The following SHANK2 variants were observed in gnomAD, a reference collection of about 807,000 sequenced individuals.
The protein encoded by SHANK2 is SH3 and multiple ankyrin repeat domains 2.
SHANK2 carries 43 observed loss-of-function variants against 133.7 expected under a neutral mutation model. That is an observed-to-expected ratio of 0.32 (90% CI 0.25 to 0.41). The LOEUF (loss-of-function observed/expected upper bound fraction) is 0.41. Ranked by LOEUF, SHANK2 falls within the 10% of genes least tolerant of loss-of-function variation. The pLI, the probability that SHANK2 is intolerant of heterozygous loss-of-function variation, is 1.00. For missense variants in SHANK2, 1,994 were observed against 2,235.8 expected (o/e 0.89, Z 2.18); for synonymous variants, 1,017 against 952.8 (o/e 1.07, Z -1.24).
intron 10 of SHANK2, among the ~76,000 whole-genome samples, chr11:70,931,824 A>G (rs1950508090): frequency 6.6e-6 from 1 of 152,262 alleles, no homozygotes; most frequent in African/African-American, 2.4e-5. Flanking sequence ...TTCTGAGCAG[A>G]TACCCTCTCA....
At chr11:70,653,269 G>A (rs1036701992) in intron 17 of SHANK2, among the ~76,000 whole-genome samples, 2 of 151,980 alleles carry the variant, frequency 1.3e-5, no homozygotes, top group South Asian at 2.1e-4. Context: ...CACTGCACCC[G>A]GCCTGGACTT....
intron 2 of SHANK2, among the ~76,000 whole-genome samples, chr11:71,148,029 AC>A (rs1952689747): frequency 1.3e-5 from 2 of 150,956 alleles, no homozygotes; most frequent in African/African-American, 4.9e-5. Context: ...AATAAAAATT[AC>A]CCCACAAAGA....
chr11:71,235,997 G>A (rs564172384), intron 1 of SHANK2, among the ~76,000 whole-genome samples: 1 of 152,322 alleles, frequency 6.6e-6, no homozygotes, highest in African/African-American at 2.4e-5. Context: ...AGCAGGTGCT[G>A]GCGGCAGAGC....
intron 15 of SHANK2, among the ~76,000 whole-genome samples, chr11:70,681,858 A>G (rs1383383647): frequency 1.3e-5 from 2 of 152,070 alleles, no homozygotes; most frequent in African/African-American, 4.8e-5. Flanking sequence ...GAGATCTTGA[A>G]CACTGTGGGG....
intron 7 of SHANK2, among the ~76,000 whole-genome samples, chr11:71,094,167 C>G (rs1434699916): frequency 1.3e-5 from 2 of 152,054 alleles, no homozygotes; most frequent in Non-Finnish European, 2.9e-5. Context: ...GGCGGATTCT[C>G]AGGAATGGCT....
At position 70,882,793 on chromosome 11, in the gene SHANK2, G is replaced by A. The variant is rs1053501512; in HGVS notation, c.1174+13708C>T. On this transcript the variant is annotated intron_variant, in intron 11 of 25. Transcript: ENST00000601538. The surrounding 1 kb of genome is among the most constrained non-coding windows in gnomAD (Gnocchi z 4.2). ...CTGTCCACGCTGGCCCAGCATCTGC[G>A]AGCACAGGAAGCCAAGCGGCTGGCC... 6.6e-6 allele frequency among the ~76,000 whole-genome samples: 1 copy of A among 152,212 alleles called. No individual in the cohort carries two copies. The highest frequency in any genetic ancestry group is 1.5e-5 in the Non-Finnish European group (1 of 68,042).
chr11:71,201,245 G>A (rs538248541), intron 2 of SHANK2, among the ~76,000 whole-genome samples: 16 of 152,306 alleles, frequency 1.1e-4, no homozygotes, highest in African/African-American at 2.9e-4. Context: ...TTGACAAAGC[G>A]GTGGAAATCT....
rs546785751 is a variant in SHANK2 at position 70,522,944 on chromosome 11, T to G, written c.2062-20013A>C. ...GCGGCCGCGGGCAGGCTACCTTCAC[T>G]GAGGCCTCCCTCCAGACCCGCAGCT... On this transcript the variant is annotated intron_variant, in intron 17 of 25. Transcript: ENST00000601538. 2.4e-3 allele frequency among the ~76,000 whole-genome samples: 362 copies of G among 152,334 alleles called. 4 individuals are homozygous for G. The highest frequency in any genetic ancestry group is 8.3e-3 in the African/African-American group (347 of 41,582).
intron 17 of SHANK2, among the ~76,000 whole-genome samples, chr11:70,591,133 C>A (rs1310579158): frequency 1.3e-5 from 2 of 152,116 alleles, no homozygotes; most frequent in Non-Finnish European, 2.9e-5. Flanking sequence ...CTGGACCTCA[C>A]TTGAGGTCAG....
Position 70,742,338 on chromosome 11 carries a change from T to C in SHANK2, c.1778-43575A>G, listed in dbSNP as rs541933530. On this transcript the variant is annotated intron_variant, in intron 14 of 25. Coordinates refer to ENST00000601538, the MANE Select transcript of SHANK2 (RefSeq NM_012309.5). ...CCAGACCCTATTGTCTCTTGGTTTC[T>C]ACCGACTGCTCTTGAACCCACAGGG... Among the ~76,000 whole-genome samples, 4 of 152,312 alleles carry C rather than the reference T, an allele frequency of 2.6e-5. No homozygotes were observed. The South Asian group carries it at 8.3e-4, about 32-fold the overall frequency.
Position 70,830,732 on chromosome 11 carries a change from G to C in SHANK2, c.1175-10050C>G, listed in dbSNP as rs1290353113. Among the ~76,000 whole-genome samples, 1 of 152,168 alleles carries C rather than the reference G, an allele frequency of 6.6e-6. No homozygotes were observed. The highest frequency in any genetic ancestry group is 1.5e-5 in the Non-Finnish European group (1 of 68,034). On this transcript the variant is annotated intron_variant, in intron 11 of 25. Coordinates refer to ENST00000601538, the MANE Select transcript of SHANK2 (RefSeq NM_012309.5). This position sits in a 1 kb window ranked among gnomAD's most constrained non-coding sequence, Gnocchi z 4.4. ...CTCTGAGAAAAGCCTCAGGCTTTGG[G>C]AATGTCCCCGTGGAGCTGCCATCCT...
chr11:70,472,446 C>CGAACAGTGAAGGTGA lies in SHANK2; in HGVS notation c.*422_*423insTCACCTTCACTGTTC. The CGAACAGTGAAGGTGA allele has an allele frequency of 3.9e-6, 1 of 259,728 alleles. No individual in the cohort carries two copies. The allele number at this position is 259,728 out of a possible 1,614,324, so 16.1% of individuals were successfully genotyped here. The stretch of plus-strand genomic sequence containing the variant: ...ACTGAGGAAAGGCCTCATGCCGGGG[C>CGAACAGTGAAGGTGA]CTGGGGTGGTGAGAGCTGCCCGGAA... On this transcript the variant is annotated 3_prime_UTR_variant, in exon 26 of 26. Coordinates refer to ENST00000601538, the MANE Select transcript of SHANK2 (RefSeq NM_012309.5). The surrounding 1 kb of genome is among the most constrained non-coding windows in gnomAD (Gnocchi z 4.4).
chr11:71,060,034 G>T (rs2135930442), intron 9 of SHANK2, among the ~76,000 whole-genome samples: 1 of 152,282 alleles, frequency 6.6e-6, no homozygotes, highest in African/African-American at 2.4e-5. Context: ...GTTAGAGGGG[G>T]ATCCCCAGAG....
intron 2 of SHANK2, among the ~76,000 whole-genome samples, chr11:71,186,997 C>T (rs567349244): frequency 1.8e-4 from 28 of 152,334 alleles, no homozygotes; most frequent in African/African-American, 5.5e-4. Context: ...ACACATGCCG[C>T]CAAGCGGAAA....
chr11:71,172,721 T>G (rs952068563), intron 2 of SHANK2, among the ~76,000 whole-genome samples: 2 of 152,048 alleles, frequency 1.3e-5, no homozygotes, highest in African/African-American at 4.8e-5. Flanking sequence ...TCAGGGCACA[T>G]GTACCCCCTA....
At chr11:70,647,036 A>AT (rs1306253807) in intron 17 of SHANK2, among the ~76,000 whole-genome samples, 13 of 150,948 alleles carry the variant, frequency 8.6e-5, no homozygotes, top group African/African-American at 2.7e-4. Flanking sequence ...AAATTTTTGT[A>AT]TTTTTTTTAG....
At chr11:70,944,697 A>G (rs1950697291) in intron 10 of SHANK2, among the ~76,000 whole-genome samples, 1 of 152,106 alleles carries the variant, frequency 6.6e-6, no homozygotes, top group Admixed American at 6.5e-5. Flanking sequence ...TTCTCACACC[A>G]GGGCCCTTTC....
rs1555085866 is a variant in SHANK2, at chr11:70,948,363, A to C, written c.1108-51796T>G. On this transcript the variant is annotated intron_variant, in intron 10 of 25. Transcript: ENST00000601538. ...CACTGATGTGTCCCCAGCACCTAGA[A>C]GACAGCGTGGCTCTTACGAGAAACT... The C allele has an allele frequency of 6.6e-6, 3 of 457,320 alleles. No homozygotes were observed. In the Admixed American group the frequency reaches 7.0e-5, roughly 11 times the overall value. 28.3% of individuals were successfully genotyped at this position (457,320 alleles called of 1,614,324 possible).
intron 6 of SHANK2, among the ~76,000 whole-genome samples, chr11:71,096,604 C>T (rs1241525251): frequency 2.0e-5 from 3 of 152,058 alleles, no homozygotes; most frequent in Admixed American, 6.5e-5. Flanking sequence ...TCGAAGGGCA[C>T]GAAAAGACTG....
Sources: allele counts gnomAD v4.1 joint callset (sites outside exome capture counted in the v4.1 genomes callset), GRCh38; gene constraint gnomAD v4.1.1; non-coding constraint Gnocchi (gnomAD v3.1); transcripts MANE v1.5; gene names NCBI Gene and HGNC (gene_info 2026-07-23, HGNC 2026-07-21).